Variants in EVA1A observed in about 807,000 individuals in gnomAD.
The protein encoded by EVA1A is eva-1 homolog A, regulator of programmed cell death.
A neutral mutation model predicts 9.8 loss-of-function variants in EVA1A; 7 were observed. That is an observed-to-expected ratio of 0.71 (90% CI 0.41 to 1.34). The LOEUF is 1.34. EVA1A is among the 40% of genes most tolerant of loss of function. The probability of loss-of-function intolerance (pLI) is 0.01; values close to 1 mark genes in which losing one functional copy is unlikely to be tolerated. For synonymous variants in EVA1A, 90 were observed against 85.6 expected (o/e 1.05, Z -0.28); for missense variants, 206 against 205.9 (o/e 1.00, Z 0.00).
At chr2:75,535,010 TTC>T (rs1357623689) in intron 1 of EVA1A, among the ~76,000 whole-genome samples, 1 of 152,160 alleles carries the variant, frequency 6.6e-6, no homozygotes, top group Non-Finnish European at 1.5e-5. Context: ...AGGGTATCCT[TTC>T]CCTAGTTTAT....
chr2:75,519,443 G>C (rs146686697), intron 2 of EVA1A, among the ~76,000 whole-genome samples: 2 of 152,262 alleles, frequency 1.3e-5, no homozygotes, highest in East Asian at 1.9e-4. Flanking sequence ...ATTTCAGCAG[G>C]CTTCAGGAAA....
At chr2:75,518,299 G>T in intron 2 of EVA1A, 91 bp from the exon 3 acceptor site, 2 of 1,336,934 alleles carry the variant, frequency 1.5e-6, no homozygotes, top group Admixed American at 3.0e-5. Flanking sequence ...ACATATTTTT[G>T]CAACAGCTGA....
At chr2:75,513,174 G>A (rs937231629) in intron 3 of EVA1A, among the ~76,000 whole-genome samples, 1 of 152,158 alleles carries the variant, frequency 6.6e-6, no homozygotes, top group Non-Finnish European at 1.5e-5. Context: ...TATTTAAGGT[G>A]TACAACCTGA....
At chr2:75,518,909 T>C (rs983183634) in intron 2 of EVA1A, 129 of 977,630 alleles carry the variant, frequency 1.3e-4, no homozygotes, top group Non-Finnish European at 1.4e-4. Context: ...TTCTAAAATA[T>C]CTACAGGAAT....
At chr2:75,553,783 C>A (rs1425025445) in intron 1 of EVA1A, among the ~76,000 whole-genome samples, 1 of 152,176 alleles carries the variant, frequency 6.6e-6, no homozygotes, top group Admixed American at 6.5e-5. Context: ...TCCAGGCCAA[C>A]CATTCCTGCC....
chr2:75,494,560 G>C (rs1331809091), intron 3 of EVA1A, among the ~76,000 whole-genome samples: 1 of 152,190 alleles, frequency 6.6e-6, no homozygotes, highest in Non-Finnish European at 1.5e-5. Context: ...GGTGGCCTTT[G>C]GCCAACACCC....
intron 1 of EVA1A, among the ~76,000 whole-genome samples, chr2:75,566,872 G>A (rs1462868113): frequency 2.0e-5 from 3 of 151,954 alleles, no homozygotes; most frequent in Non-Finnish European, 2.9e-5. Flanking sequence ...TTCTATAGGG[G>A]AATTCTCATG....
chr2:75,501,384 T>TA (rs1558670976), intron 3 of EVA1A, among the ~76,000 whole-genome samples: 1 of 152,244 alleles, frequency 6.6e-6, no homozygotes, highest in Non-Finnish European at 1.5e-5. Flanking sequence ...AGAGTTCTAT[T>TA]AAAGATCACT....
intron 1 of EVA1A, among the ~76,000 whole-genome samples, chr2:75,549,441 A>G (rs1334476726): frequency 5.3e-5 from 8 of 152,136 alleles, no homozygotes; most frequent in Non-Finnish European, 1.2e-4. Flanking sequence ...TGATGGAAGA[A>G]AGAGTCCCTA....
At chr2:75,550,718 A>T (rs183231906) in intron 1 of EVA1A, among the ~76,000 whole-genome samples, 19 of 152,370 alleles carry the variant, frequency 1.2e-4, no homozygotes, top group Admixed American at 1.2e-3. Flanking sequence ...AACTATCAAC[A>T]TGGAAGCCAT....
chr2:75,494,544 A>C (rs1443675363), intron 3 of EVA1A, among the ~76,000 whole-genome samples: 1 of 152,202 alleles, frequency 6.6e-6, no homozygotes, highest in Non-Finnish European at 1.5e-5. Context: ...GTGGCAAGGA[A>C]CTAAGGGTGG....
chr2:75,558,423 A>G (rs1286912466), intron 1 of EVA1A: 2 of 152,212 alleles, frequency 1.3e-5, no homozygotes, highest in African/African-American at 2.4e-5. Flanking sequence ...CACTGTGAGC[A>G]TCGACGGCAC....
At chr2:75,500,297 T>C (rs1288117608) in intron 3 of EVA1A, among the ~76,000 whole-genome samples, 1 of 152,222 alleles carries the variant, frequency 6.6e-6, no homozygotes, top group East Asian at 1.9e-4. Context: ...TCAAAATAAC[T>C]TTTGATGACG....
rs146679483 is a variant in EVA1A, at chr2:75,503,402, A to T, written c.86-9793T>A. On this transcript the variant is annotated intron_variant, in intron 3 of 3. Coordinates refer to ENST00000393913, the MANE Select transcript of EVA1A (RefSeq NM_001135032.2). Reference sequence around the variant, plus strand: ...GTTTTCCCTTAATAAATAAAAATAAATGTATTGCTGTATCTTGTTTCCTGC... The same window carrying T: ...GTTTTCCCTTAATAAATAAAAATAATTGTATTGCTGTATCTTGTTTCCTGC... Among the ~76,000 whole-genome samples the T allele has an allele frequency of 4.9e-3, 741 of 152,278 alleles. 6 individuals are homozygous for T. The highest frequency in any genetic ancestry group is 0.017 in the African/African-American group (717 of 41,540).
intron 1 of EVA1A, among the ~76,000 whole-genome samples, chr2:75,533,312 T>G (rs1675745805): frequency 6.6e-6 from 1 of 152,054 alleles, no homozygotes; most frequent in African/African-American, 2.4e-5. Flanking sequence ...CAAAAGGCAG[T>G]AAGTAGCACA....
intron 1 of EVA1A, among the ~76,000 whole-genome samples, chr2:75,557,206 C>T (rs1200670499): frequency 3.3e-5 from 5 of 152,208 alleles, no homozygotes; most frequent in African/African-American, 4.8e-5. Context: ...GTAAGGCAGT[C>T]TAGCCCACAG....
chr2:75,551,332 CCTCATCTGTTAGACTCCT>C lies in EVA1A; in HGVS notation c.-192+9330_-192+9347del, dbSNP rs1385457436. On this transcript the variant is annotated intron_variant, in intron 1 of 3. Transcript: ENST00000393913. Reference sequence around the variant, plus strand: ...TAGCTCCCCTCATCTGTTAGACTCCCCTCATCTGTTAGACTCCTCTCACCAAGTCGTCAATAGCTTTGG... The same window carrying C: ...TAGCTCCCCTCATCTGTTAGACTCCCCTCACCAAGTCGTCAATAGCTTTGG... 2.6e-5 allele frequency among the ~76,000 whole-genome samples: 4 copies of C among 151,556 alleles called. No individual in the cohort carries two copies. In the East Asian group the frequency reaches 7.7e-4, roughly 29 times the overall value.
At chr2:75,534,949 T>G (rs745634325) in intron 1 of EVA1A, among the ~76,000 whole-genome samples, 4 of 152,174 alleles carry the variant, frequency 2.6e-5, no homozygotes, top group Non-Finnish European at 5.9e-5. Context: ...GGGATCCAGT[T>G]TAATTCTTCT....
chr2:75,505,813 A>C (rs969922679), intron 3 of EVA1A, among the ~76,000 whole-genome samples: 5 of 151,492 alleles, frequency 3.3e-5, no homozygotes, highest in African/African-American at 7.3e-5. Flanking sequence ...CTGTCTCAGA[A>C]AAAAAAAAGG....
Sources: allele counts gnomAD v4.1 joint callset (sites outside exome capture counted in the v4.1 genomes callset), GRCh38; gene constraint gnomAD v4.1.1; transcripts MANE v1.5; gene names NCBI Gene and HGNC (gene_info 2026-07-23, HGNC 2026-07-21).